The following SPIDR variants were observed in gnomAD, a reference collection of about 807,000 sequenced individuals.
The protein encoded by SPIDR is DNA repair-scaffolding protein.
SPIDR carries 93 observed loss-of-function variants against 104.6 expected under a neutral mutation model. The ratio of observed to expected loss-of-function variants is 0.89; its 90% CI spans 0.75 to 1.06. The LOEUF is 1.06. Ranked by LOEUF, SPIDR falls within the 50% of genes least tolerant of loss-of-function variation. The pLI is 0.00. For synonymous variants in SPIDR, 431 were observed against 416.9 expected, an observed-to-expected ratio of 1.03 and a Z score of -0.41; for missense variants, 1,154 against 1,111.2, an observed-to-expected ratio of 1.04 and a Z score of -0.55.
At chr8:47,563,107 G>C (rs935145161) in intron 8 of SPIDR, among the ~76,000 whole-genome samples, 4 of 139,464 alleles carry the variant, frequency 2.9e-5, no homozygotes, top group Non-Finnish European at 4.6e-5. Flanking sequence ...TACATGTTTT[G>C]TTCATTAAAT....
intron 5 of SPIDR, among the ~76,000 whole-genome samples, chr8:47,387,560 A>G (rs1241800703): frequency 2.6e-5 from 4 of 152,218 alleles, no homozygotes; most frequent in Non-Finnish European, 5.9e-5. Flanking sequence ...TGACTTGCAC[A>G]TAGGTGGCAT....
At chr8:47,373,935 C>T (rs1328306851) in intron 5 of SPIDR, among the ~76,000 whole-genome samples, 2 of 152,318 alleles carry the variant, frequency 1.3e-5, no homozygotes, top group Admixed American at 6.5e-5. Flanking sequence ...TACATACAGT[C>T]AGCCCTGGTA....
At chr8:47,607,152 C>T (rs763299060) in intron 10 of SPIDR, among the ~76,000 whole-genome samples, 43 of 152,114 alleles carry the variant, frequency 2.8e-4, no homozygotes, top group Admixed American at 4.6e-4. Flanking sequence ...GGAATTGTTC[C>T]TTTTCAATGA....
At chr8:47,667,839 A>T (rs990482608) in intron 10 of SPIDR, 1 of 152,222 alleles carries the variant, frequency 6.6e-6, no homozygotes, top group African/African-American at 2.4e-5. Context: ...GCCCCTGGGC[A>T]AGGATGACAT....
chr8:47,286,259 C>T (rs1411826520), intron 3 of SPIDR, among the ~76,000 whole-genome samples: 1 of 152,128 alleles, frequency 6.6e-6, no homozygotes, highest in Non-Finnish European at 1.5e-5. Flanking sequence ...CAGAAGCTCA[C>T]CTGCCTGGGT....
At chr8:47,461,611 G>A (rs2073945092) in intron 8 of SPIDR, among the ~76,000 whole-genome samples, 1 of 151,996 alleles carries the variant, frequency 6.6e-6, no homozygotes, top group Admixed American at 6.6e-5. Context: ...CGCCCAGCCT[G>A]TTTGTTTTTT....
intron 5 of SPIDR, among the ~76,000 whole-genome samples, chr8:47,354,465 C>T (rs1313917482): frequency 4.0e-5 from 6 of 151,494 alleles, no homozygotes; most frequent in South Asian, 2.1e-4. Flanking sequence ...CTGAGAATTA[C>T]GCATATTTAA....
chr8:47,393,046 C>T (rs1236475034), intron 5 of SPIDR, among the ~76,000 whole-genome samples: 1 of 152,138 alleles, frequency 6.6e-6, no homozygotes, highest in Non-Finnish European at 1.5e-5. Context: ...CTTCTCCAGC[C>T]CTCGTGCCTT....
At chr8:47,466,953 A>ATAT (rs1491475618) in intron 8 of SPIDR, among the ~76,000 whole-genome samples, 3 of 148,366 alleles carry the variant, frequency 2.0e-5, no homozygotes, top group Non-Finnish European at 3.0e-5. Context: ...AGATAGATAT[A>ATAT]AAAAATAGAC....
intron 6 of SPIDR, among the ~76,000 whole-genome samples, chr8:47,399,703 C>T (rs1341162701): frequency 1.3e-5 from 2 of 152,138 alleles, no homozygotes; most frequent in African/African-American, 4.8e-5. Flanking sequence ...TCCAGGGGCA[C>T]ACTAAAAGGG....
chr8:47,523,889 A>G (rs2084577515), intron 8 of SPIDR, among the ~76,000 whole-genome samples: 1 of 152,180 alleles, frequency 6.6e-6, no homozygotes, highest in African/African-American at 2.4e-5. Context: ...CTTCCCACAG[A>G]ACTGCAGGCC....
chr8:47,466,818 G>A (rs12547497), intron 8 of SPIDR, among the ~76,000 whole-genome samples: 108,405 of 148,340 alleles, frequency 0.73, 39,778 homozygotes, highest in East Asian at 0.82. Flanking sequence ...AATAACCAAA[G>A]TCAGAGCTGG....
intron 8 of SPIDR, among the ~76,000 whole-genome samples, chr8:47,449,614 A>T (rs1240441831): frequency 1.3e-5 from 2 of 152,232 alleles, no homozygotes; most frequent in African/African-American, 4.8e-5. Context: ...ACAACAAGGA[A>T]TTTAGTCTTT....
chr8:47,556,538 G>A (rs1384584440), intron 8 of SPIDR, among the ~76,000 whole-genome samples: 1 of 152,218 alleles, frequency 6.6e-6, no homozygotes, highest in Non-Finnish European at 1.5e-5. Flanking sequence ...ATATTTAGGA[G>A]TAGAAGTTGT....
intron 11 of SPIDR, among the ~76,000 whole-genome samples, chr8:47,675,363 C>T (rs1436154142): frequency 6.6e-6 from 1 of 152,120 alleles, no homozygotes; most frequent in Non-Finnish European, 1.5e-5. Context: ...AATACTTCCT[C>T]TTGTTTGTAA....
intron 5 of SPIDR, among the ~76,000 whole-genome samples, chr8:47,378,750 A>G (rs782731139): frequency 1.6e-4 from 24 of 152,198 alleles, no homozygotes; most frequent in Admixed American, 3.9e-4. Flanking sequence ...CATTATGTAC[A>G]CCTAAGATGG....
intron 11 of SPIDR, among the ~76,000 whole-genome samples, chr8:47,681,027 C>A (rs904280652): frequency 1.2e-4 from 18 of 152,188 alleles, no homozygotes; most frequent in African/African-American, 2.4e-5. Context: ...CACGCCATTG[C>A]GCTCCAGCCT....
At chr8:47,663,486 A>C (rs1187466568) in intron 10 of SPIDR, among the ~76,000 whole-genome samples, 4 of 152,214 alleles carry the variant, frequency 2.6e-5, no homozygotes, top group Non-Finnish European at 4.4e-5. Flanking sequence ...AAACCCTAAG[A>C]AGGCCAAGGC....
chr8:47,609,725 TGTACAC>T (rs1274600675), intron 10 of SPIDR, among the ~76,000 whole-genome samples: 1 of 152,224 alleles, frequency 6.6e-6, no homozygotes, highest in African/African-American at 2.4e-5. Flanking sequence ...GAAAGTAATA[TGTACAC>T]GCTCTTTAAA....
Sources: allele counts gnomAD v4.1 joint callset (sites outside exome capture counted in the v4.1 genomes callset), GRCh38; gene constraint gnomAD v4.1.1; transcripts MANE v1.5; gene names NCBI Gene and HGNC (gene_info 2026-07-23, HGNC 2026-07-21).